FBXL7: variants seen among roughly 807,000 people sequenced by gnomAD.
FBXL7 encodes the protein F-box and leucine rich repeat protein 7.
FBXL7 carries 12 observed loss-of-function variants against 38.3 expected under a neutral mutation model. The observed-to-expected ratio is 0.31, with a 90% confidence interval of 0.20 to 0.51. The LOEUF is 0.51. FBXL7 is among the 20% of genes least tolerant of loss of function. The probability of loss-of-function intolerance (pLI) is 0.98; values close to 1 mark genes in which losing one functional copy is unlikely to be tolerated. For synonymous variants in FBXL7, 297 were observed against 300.9 expected (o/e 0.99, Z 0.13); for missense variants, 567 against 676.4 (o/e 0.84, Z 1.79).
chr5:15,657,830 C>T (rs984771114), intron 2 of FBXL7, among the ~76,000 whole-genome samples: 3 of 143,088 alleles, frequency 2.1e-5, no homozygotes, highest in Non-Finnish European at 3.0e-5. Context: ...AAGAGTGAAA[C>T]TTTGTCTAAA....
intron 2 of FBXL7, among the ~76,000 whole-genome samples, chr5:15,700,992 A>C (rs967942596): frequency 1.3e-5 from 2 of 152,180 alleles, no homozygotes; most frequent in Admixed American, 6.5e-5. Context: ...TTAATTAAAA[A>C]AATCTGAATT....
chr5:15,532,534 C>T (rs927277337), intron 1 of FBXL7, among the ~76,000 whole-genome samples: 4 of 152,170 alleles, frequency 2.6e-5, no homozygotes, highest in Admixed American at 6.5e-5. Flanking sequence ...AAAGGTAAAA[C>T]AATTTAATTA....
chr5:15,605,873 C>T (rs1208468742), intron 1 of FBXL7, among the ~76,000 whole-genome samples: 1 of 152,174 alleles, frequency 6.6e-6, no homozygotes, highest in African/African-American at 2.4e-5. Flanking sequence ...CCTTCTTAGA[C>T]TGGACATAAA....
At chr5:15,892,780 A>G (rs892443905) in intron 2 of FBXL7, among the ~76,000 whole-genome samples, 5 of 152,198 alleles carry the variant, frequency 3.3e-5, no homozygotes, top group African/African-American at 1.2e-4. Flanking sequence ...TTTTATAACA[A>G]TGCTGTGAGG....
At chr5:15,878,213 G>A (rs185185502) in intron 2 of FBXL7, among the ~76,000 whole-genome samples, 1 of 152,200 alleles carries the variant, frequency 6.6e-6, no homozygotes, top group Non-Finnish European at 1.5e-5. Flanking sequence ...AAGTTGCGGG[G>A]AGTCAGGGAT....
chr5:15,758,642 A>C (rs1736361359), intron 2 of FBXL7, among the ~76,000 whole-genome samples: 1 of 152,174 alleles, frequency 6.6e-6, no homozygotes, highest in East Asian at 1.9e-4. Context: ...TTCACAGCAT[A>C]TTTGTTTTAA....
chr5:15,888,141 A>G (rs182299205), intron 2 of FBXL7, among the ~76,000 whole-genome samples: 95 of 152,320 alleles, frequency 6.2e-4, no homozygotes, highest in African/African-American at 2.2e-3. Flanking sequence ...ATAAGAATCA[A>G]TTTTGCCCTC....
intron 2 of FBXL7, among the ~76,000 whole-genome samples, chr5:15,634,503 GT>G (rs1024410314): frequency 8.5e-6 from 1 of 118,120 alleles, no homozygotes. Flanking sequence ...TGTATTTTTA[GT>G]TGGGGGGGGG....
chr5:15,715,760 A>C (rs1744024977), intron 2 of FBXL7, among the ~76,000 whole-genome samples: 1 of 152,174 alleles, frequency 6.6e-6, no homozygotes, highest in Admixed American at 6.5e-5. Context: ...TATTGTCTTA[A>C]TTTGTGCTTC....
At chr5:15,669,587 A>C (rs1329544623) in intron 2 of FBXL7, among the ~76,000 whole-genome samples, 1 of 152,062 alleles carries the variant, frequency 6.6e-6, no homozygotes, top group African/African-American at 2.4e-5. Context: ...CCTCTCCACC[A>C]CAGGGATCAG....
intron 2 of FBXL7, among the ~76,000 whole-genome samples, chr5:15,888,420 G>A (rs1036858119): frequency 6.6e-6 from 1 of 151,898 alleles, no homozygotes; most frequent in Non-Finnish European, 1.5e-5. Flanking sequence ...GTAGAAATGG[G>A]ATTTCACCGT....
chr5:15,712,308 A>G lies in FBXL7; in HGVS notation c.127+96236A>G, dbSNP rs529542797. Among the ~76,000 whole-genome samples, 349 of 150,510 alleles carry G rather than the reference A, an allele frequency of 2.3e-3. 3 individuals carry two copies. Among genetic ancestry groups the G allele is most frequent in the African/African-American group, 8.1e-3 (333 of 41,068 alleles). On this transcript the variant is annotated intron_variant, in intron 2 of 3. Coordinates refer to ENST00000504595, the MANE Select transcript of FBXL7 (RefSeq NM_012304.5). Reference sequence around the variant, plus strand: ...CAGTATTGGAAAAGATTAAATACATAGGATAGCAAATTGCAGAAAATGATG... The same window carrying G: ...CAGTATTGGAAAAGATTAAATACATGGGATAGCAAATTGCAGAAAATGATG...
intron 1 of FBXL7, 128 bp downstream of exon 1, chr5:15,500,841 C>A: frequency 8.8e-7 from 1 of 1,135,392 alleles, no homozygotes; most frequent in Non-Finnish European, 1.3e-6. Context: ...CTGTCTGGGT[C>A]ACCACCTTCT....
chr5:15,652,182 A>C (rs2126571578), intron 2 of FBXL7, among the ~76,000 whole-genome samples: 1 of 152,252 alleles, frequency 6.6e-6, no homozygotes, highest in African/African-American at 2.4e-5. Flanking sequence ...AAGACCACTA[A>C]AACTTCTTTC....
chr5:15,806,412 C>G (rs543117302), intron 2 of FBXL7, among the ~76,000 whole-genome samples: 94 of 152,172 alleles, frequency 6.2e-4, no homozygotes, highest in Non-Finnish European at 1.1e-3. Context: ...AAATAAATCT[C>G]TCCTATGGCC....
intron 2 of FBXL7, among the ~76,000 whole-genome samples, chr5:15,725,720 T>C (rs1375385065): frequency 6.6e-6 from 1 of 152,112 alleles, no homozygotes; most frequent in Admixed American, 6.6e-5. Context: ...CACTGCAACC[T>C]CCATCTCCCA....
rs11948732 is a variant in FBXL7, at chr5:15,561,442, A to G, written c.38-54541A>G. On this transcript the variant is annotated intron_variant, in intron 1 of 3. Transcript: ENST00000504595. ...GTATTCCGTTGTATAAATGCATACCACATCTTTATGCATTCATCCGCTGAT... is the reference window on the plus strand; with the variant it reads ...GTATTCCGTTGTATAAATGCATACCGCATCTTTATGCATTCATCCGCTGAT... 4.3e-3 allele frequency among the ~76,000 whole-genome samples: 658 copies of G among 152,230 alleles called. 4 individuals carry two copies. Among genetic ancestry groups the G allele is most frequent in the African/African-American group, 0.015 (612 of 41,540 alleles).
intron 1 of FBXL7, chr5:15,602,237 C>A (rs2126495111): frequency 6.6e-6 from 1 of 152,084 alleles, no homozygotes; most frequent in Admixed American, 6.5e-5. Context: ...TTAGTGGAAA[C>A]AAATACGGAG....
chr5:15,589,051 G>A (rs536999481), intron 1 of FBXL7, among the ~76,000 whole-genome samples: 6 of 152,194 alleles, frequency 3.9e-5, no homozygotes, highest in East Asian at 3.9e-4. Flanking sequence ...ATAGAATGAC[G>A]TACAAAGTAT....
Sources: gnomAD v4.1 joint callset for allele counts (sites outside exome capture counted in the v4.1 genomes callset) on GRCh38, gnomAD v4.1.1 for gene constraint, MANE v1.5 for transcripts, NCBI Gene and HGNC (gene_info 2026-07-23, HGNC 2026-07-21) for gene names.